Variants in PAN3 observed in about 807,000 individuals in gnomAD.
PAN3 encodes the protein PAN2-PAN3 deadenylation complex subunit PAN3.
Under a neutral mutation model 96.2 loss-of-function variants are expected in PAN3, and 19 were observed. The observed-to-expected ratio is 0.20, with a 90% CI of 0.14 to 0.29. The LOEUF is 0.29. Among genes scored for constraint, PAN3 ranks in the 10% least tolerant of loss-of-function variants. The pLI is 1.00. For missense variants in PAN3, 882 were observed against 1,108.1 expected, an observed-to-expected ratio of 0.80 and a Z score of 2.90; for synonymous variants, 433 against 406.6, an observed-to-expected ratio of 1.06 and a Z score of -0.78.
At chr13:28,177,747 G>T in intron 3 of PAN3, 118 bp from the exon 4 acceptor site, 1 of 772,636 alleles carries the variant, frequency 1.3e-6, no homozygotes, top group East Asian at 2.6e-5. Flanking sequence ...TGTGTGTTAG[G>T]TACTAAGTTT....
At chr13:28,170,243 A>G (rs772641909) in intron 1 of PAN3, among the ~76,000 whole-genome samples, 5 of 152,186 alleles carry the variant, frequency 3.3e-5, no homozygotes, top group Non-Finnish European at 4.4e-5. Flanking sequence ...AGTGAAAATA[A>G]CTACCAGAAA....
At chr13:28,228,742 T>A (rs1297254076) in intron 6 of PAN3, among the ~76,000 whole-genome samples, 1 of 152,116 alleles carries the variant, frequency 6.6e-6, no homozygotes, top group East Asian at 1.9e-4. Flanking sequence ...GTAAAGGGTG[T>A]CAGTGTATTC....
intron 18 of PAN3, among the ~76,000 whole-genome samples, chr13:28,291,830 C>T (rs1869789865): frequency 6.6e-6 from 1 of 151,952 alleles, no homozygotes; most frequent in African/African-American, 2.4e-5. Flanking sequence ...ACTCCATCCC[C>T]AAAAATTAAA....
intron 6 of PAN3, among the ~76,000 whole-genome samples, chr13:28,249,164 T>G (rs931579876): frequency 6.6e-6 from 1 of 152,230 alleles, no homozygotes; most frequent in Non-Finnish European, 1.5e-5. Flanking sequence ...TTGTTTGTTA[T>G]TTATTTCTTG....
chr13:28,190,629 C>T (rs964137311), intron 4 of PAN3, among the ~76,000 whole-genome samples: 4 of 152,160 alleles, frequency 2.6e-5, no homozygotes, highest in African/African-American at 7.2e-5. Context: ...AAGAAATACC[C>T]GAGACTGGGT....
At chr13:28,247,302 A>G (rs1044701365) in intron 6 of PAN3, among the ~76,000 whole-genome samples, 5 of 151,582 alleles carry the variant, frequency 3.3e-5, no homozygotes, top group South Asian at 2.1e-4. Flanking sequence ...TATTTTTTCT[A>G]TTGAGGTGTT....
intron 1 of PAN3, among the ~76,000 whole-genome samples, chr13:28,151,781 G>A (rs949968082): frequency 6.6e-6 from 1 of 152,178 alleles, no homozygotes; most frequent in Non-Finnish European, 1.5e-5. Context: ...GATGAGGAAG[G>A]CTGCAGACAG....
rs971813268 is a variant in PAN3 at position 28,153,537 on chromosome 13, G to A, written c.430+14450G>A. On this transcript the variant is annotated intron_variant, in intron 1 of 18. Transcript: ENST00000380958. ...CAGGTGTGAGCCACCATCCCCAGTC[G>A]TAATACACTTTTAAAAGATATGTAA... Among the ~76,000 whole-genome samples the A allele has an allele frequency of 2.4e-4, 37 of 151,716 alleles. 1 individual carries two copies. Among genetic ancestry groups the A allele is most frequent in the Admixed American group, 3.9e-4 (6 of 15,190 alleles).
chr13:28,215,099 T>G (rs1880565733), intron 5 of PAN3: 2 of 870,346 alleles, frequency 2.3e-6, no homozygotes, highest in Non-Finnish European at 1.9e-6. Context: ...CATTTGCTGG[T>G]TGGAATTGTG....
chr13:28,148,844 C>G (rs1158016113), intron 1 of PAN3, among the ~76,000 whole-genome samples: 1 of 151,998 alleles, frequency 6.6e-6, no homozygotes, highest in Non-Finnish European at 1.5e-5. Flanking sequence ...TATTCTTTCT[C>G]GTGGCTGTGT....
At chr13:28,276,896 A>C (rs1407662089) in intron 14 of PAN3, among the ~76,000 whole-genome samples, 1 of 152,208 alleles carries the variant, frequency 6.6e-6, no homozygotes, top group East Asian at 1.9e-4. Context: ...TTAAATAAGA[A>C]AAAATTAGAA....
At chr13:28,277,879 G>A (rs1161206206) in intron 15 of PAN3, among the ~76,000 whole-genome samples, 1 of 152,182 alleles carries the variant, frequency 6.6e-6, no homozygotes, top group African/African-American at 2.4e-5. Flanking sequence ...ATTCTGGAAA[G>A]CATTTGTGTG....
intron 6 of PAN3, among the ~76,000 whole-genome samples, chr13:28,240,977 C>T (rs908589725): frequency 5.3e-5 from 8 of 152,126 alleles, no homozygotes; most frequent in African/African-American, 9.7e-5. Context: ...TTTTCCTTTT[C>T]GGCCGGATGT....
chr13:28,152,983 A>G (rs1417361849), intron 1 of PAN3, among the ~76,000 whole-genome samples: 1 of 152,164 alleles, frequency 6.6e-6, no homozygotes, highest in East Asian at 1.9e-4. Flanking sequence ...TAAGATGTCC[A>G]CATCCTTTGG....
intron 16 of PAN3, among the ~76,000 whole-genome samples, chr13:28,280,930 C>G (rs951738480): frequency 6.6e-6 from 1 of 152,168 alleles, no homozygotes; most frequent in Non-Finnish European, 1.5e-5. Context: ...ACAAAATAAT[C>G]ATTGTACTAA....
rs76122313 is a variant in PAN3, at chr13:28,220,011, A to C, written c.853-220A>C. The stretch of plus-strand genomic sequence containing the variant: ...AATTTTACACATTACTGAGGTTAAA[A>C]TTCTGCAAATGAAATGATTAAAGTC... On this transcript the variant is annotated intron_variant, in intron 5 of 18. Coordinates refer to ENST00000380958, the MANE Select transcript of PAN3 (RefSeq NM_175854.8). Among the ~76,000 whole-genome samples, 76 of 152,330 alleles carry C rather than the reference A, an allele frequency of 5.0e-4. 1 individual carries two copies. In the East Asian group the frequency reaches 0.013, roughly 27 times the overall value.
At chr13:28,167,086 T>A (rs1002100173) in intron 1 of PAN3, among the ~76,000 whole-genome samples, 2 of 147,576 alleles carry the variant, frequency 1.4e-5, no homozygotes, top group African/African-American at 2.5e-5. Flanking sequence ...ATCTTAATTT[T>A]TTTTTTTTTT....
chr13:28,181,504 CAA>C (rs894039087), intron 4 of PAN3, among the ~76,000 whole-genome samples: 12 of 57,260 alleles, frequency 2.1e-4, no homozygotes, highest in South Asian at 7.9e-4. Context: ...AACCCTGTCT[CAA>C]AAAAAAAAAA....
chr13:28,251,936 G>A (rs1277801001), intron 6 of PAN3, among the ~76,000 whole-genome samples: 1 of 152,128 alleles, frequency 6.6e-6, no homozygotes, highest in Non-Finnish European at 1.5e-5. Flanking sequence ...TGCCCAGGCT[G>A]GAGTACAATG....
Sources: gnomAD v4.1 joint callset for allele counts (sites outside exome capture counted in the v4.1 genomes callset) on GRCh38, gnomAD v4.1.1 for gene constraint, MANE v1.5 for transcripts, NCBI Gene and HGNC (gene_info 2026-07-23, HGNC 2026-07-21) for gene names.